The following DNAJC6 variants were observed in gnomAD, a reference collection of about 807,000 sequenced individuals.
DNAJC6 encodes the protein auxilin.
DNAJC6 carries 34 observed loss-of-function variants against 110.0 expected under a neutral mutation model. The observed-to-expected ratio is 0.31, with a 90% CI of 0.24 to 0.41. DNAJC6 has a LOEUF of 0.41. DNAJC6 is among the 10% of genes least tolerant of loss of function. DNAJC6 has a pLI of 1.00. For synonymous variants in DNAJC6, 406 were observed against 437.2 expected, an observed-to-expected ratio of 0.93 and a Z score of 0.89; for missense variants, 1,031 against 1,207.8, an observed-to-expected ratio of 0.85 and a Z score of 2.17.
intron 7 of DNAJC6, among the ~76,000 whole-genome samples, chr1:65,386,590 G>A (rs1236045654): frequency 6.6e-6 from 1 of 152,194 alleles, no homozygotes; most frequent in Admixed American, 6.5e-5. Flanking sequence ...CAGTCCAGAT[G>A]GGATGCAGAG....
intron 11 of DNAJC6, among the ~76,000 whole-genome samples, chr1:65,391,960 TA>T (rs1241985307): frequency 2.6e-5 from 4 of 152,164 alleles, no homozygotes; most frequent in African/African-American, 9.7e-5. Flanking sequence ...GTATTATTAG[TA>T]GAGATGGGGT....
intron 1 of DNAJC6, among the ~76,000 whole-genome samples, chr1:65,293,679 C>T (rs1644901767): frequency 6.6e-6 from 1 of 152,080 alleles, no homozygotes; most frequent in African/African-American, 2.4e-5. Flanking sequence ...AACATTTTTT[C>T]ATAACATACA....
chr1:65,364,610 G>GTTTTTTTTT, intron 1 of DNAJC6, 25 bp from the exon 2 acceptor site: 3 of 1,441,978 alleles, frequency 2.1e-6, no homozygotes, highest in South Asian at 2.6e-5. Flanking sequence ...ATTTTTGTTT[G>GTTTTTTTTT]TTTGTTTTTT....
At chr1:65,341,590 G>A (rs1344240458) in intron 1 of DNAJC6, among the ~76,000 whole-genome samples, 1 of 152,184 alleles carries the variant, frequency 6.6e-6, no homozygotes, top group Non-Finnish European at 1.5e-5. Flanking sequence ...AAAGGGACTT[G>A]ACAATGGGCA....
At chr1:65,354,372 C>T (rs1414003745) in intron 1 of DNAJC6, among the ~76,000 whole-genome samples, 2 of 152,198 alleles carry the variant, frequency 1.3e-5, no homozygotes, top group Non-Finnish European at 2.9e-5. Flanking sequence ...CTCAGTGGGA[C>T]TCCCACCTGC....
intron 17 of DNAJC6, among the ~76,000 whole-genome samples, chr1:65,410,727 G>A (rs1646120695): frequency 6.6e-6 from 1 of 152,174 alleles, no homozygotes; most frequent in Non-Finnish European, 1.5e-5. Flanking sequence ...GCCTTTTTGA[G>A]CTCTGTTCTG....
upstream of DNAJC6, among the ~76,000 whole-genome samples, chr1:65,308,021 T>G (rs140724635): frequency 1.2e-3 from 176 of 152,344 alleles, no homozygotes; most frequent in Non-Finnish European, 1.2e-3. Context: ...TGGTTGATGC[T>G]CTTCCTACAA....
chr1:65,337,689 T>G (rs1645350572), intron 1 of DNAJC6, among the ~76,000 whole-genome samples: 1 of 152,170 alleles, frequency 6.6e-6, no homozygotes, highest in Non-Finnish European at 1.5e-5. Flanking sequence ...ATGATTTGTC[T>G]AGCATTTACA....
At chr1:65,315,745 G>A (rs1049621093) in intron 1 of DNAJC6, among the ~76,000 whole-genome samples, 18 of 152,132 alleles carry the variant, frequency 1.2e-4, no homozygotes, top group Admixed American at 3.3e-4. Flanking sequence ...AATAAACTAA[G>A]GCACAGAGAG....
intron 1 of DNAJC6, among the ~76,000 whole-genome samples, chr1:65,344,044 G>T (rs1410182197): frequency 3.9e-5 from 6 of 152,158 alleles, no homozygotes; most frequent in African/African-American, 1.4e-4. Context: ...GAAAAGAGGG[G>T]ACTACTGTAC....
chr1:65,285,772 A>T (rs763460130), intron 1 of DNAJC6, among the ~76,000 whole-genome samples: 1 of 152,030 alleles, frequency 6.6e-6, no homozygotes, highest in Non-Finnish European at 1.5e-5. Flanking sequence ...TCCTGGATTC[A>T]AGTGATTCTC....
intron 1 of DNAJC6, among the ~76,000 whole-genome samples, chr1:65,332,555 C>T (rs150336407): frequency 1.5e-4 from 23 of 152,332 alleles, no homozygotes; most frequent in South Asian, 4.1e-4. Flanking sequence ...CCTGAATCAA[C>T]GGCAATTTTT....
intron 15 of DNAJC6, 45 bp downstream of exon 15, chr1:65,401,925 C>G (rs769357745): frequency 1.9e-6 from 3 of 1,606,110 alleles, no homozygotes; most frequent in East Asian, 4.5e-5. Flanking sequence ...TTATTTATAG[C>G]TATAAAGCCT....
At chr1:65,406,467 T>C (rs902813948) in intron 16 of DNAJC6, among the ~76,000 whole-genome samples, 1 of 152,126 alleles carries the variant, frequency 6.6e-6, no homozygotes, top group Admixed American at 6.5e-5. Flanking sequence ...TGGCATAGGG[T>C]AGGCACTAAA....
chr1:65,272,573 C>T (rs1557492064), intron 1 of DNAJC6, among the ~76,000 whole-genome samples: 1 of 152,172 alleles, frequency 6.6e-6, no homozygotes, highest in Non-Finnish European at 1.5e-5. Context: ...TCCTATTTCT[C>T]TATTCCCTGG....
At chr1:65,296,837 C>T (rs989783784) in intron 1 of DNAJC6, among the ~76,000 whole-genome samples, 5 of 152,118 alleles carry the variant, frequency 3.3e-5, no homozygotes, top group Admixed American at 1.3e-4. Context: ...CCACCTGCCT[C>T]GGCCTCCAAA....
chr1:65,365,824 G>C (rs1645640632), intron 2 of DNAJC6, 61 bp from the exon 3 acceptor site: 3 of 1,573,630 alleles, frequency 1.9e-6, no homozygotes, highest in African/African-American at 2.7e-5. Flanking sequence ...GTGATTGAGA[G>C]AGAGAAATCT....
intron 1 of DNAJC6, among the ~76,000 whole-genome samples, chr1:65,351,664 A>G (rs978621371): frequency 1.3e-5 from 2 of 152,204 alleles, no homozygotes; most frequent in South Asian, 2.1e-4. Context: ...CATCTTGTGT[A>G]TAGACAATGC....
chr1:65,293,968 T>G (rs1181676357), intron 1 of DNAJC6, among the ~76,000 whole-genome samples: 1 of 152,242 alleles, frequency 6.6e-6, no homozygotes, highest in Non-Finnish European at 1.5e-5. Flanking sequence ...TTCCAGGCAT[T>G]GTGCTAAGCA....
Sources: allele counts gnomAD v4.1 joint callset (sites outside exome capture counted in the v4.1 genomes callset), GRCh38; gene constraint gnomAD v4.1.1; transcripts MANE v1.5; gene names NCBI Gene and HGNC (gene_info 2026-07-23, HGNC 2026-07-21).